Variants in MAST4 observed in about 807,000 individuals in gnomAD.
MAST4 encodes the protein microtubule associated serine/threonine kinase family member 4, also known as microtubule-associated serine/threonine-protein kinase 4.
A neutral mutation model predicts 162.7 loss-of-function variants in MAST4; 89 were observed. The observed-to-expected ratio is 0.55, with a 90% CI of 0.46 to 0.65. MAST4 has a LOEUF of 0.65. Ranked by LOEUF, MAST4 falls within the 30% of genes least tolerant of loss-of-function variation. MAST4 has a pLI of 0.00. For missense variants in MAST4, 3,153 were observed against 3,374.0 expected (o/e 0.93, Z 1.62); for synonymous variants, 1,479 against 1,361.1 (o/e 1.09, Z -1.91).
intron 17 of MAST4, 121 bp downstream of exon 17, chr5:67,133,767 A>T: frequency 9.1e-7 from 1 of 1,103,226 alleles, no homozygotes; most frequent in Non-Finnish European, 1.3e-6. Context: ...TGTCTGTATA[A>T]ACCTTACATT....
In MAST4 at chr5:67,163,806, G is replaced by A. The variant is rs1418987416; in HGVS notation, c.4627G>A (p.Gly1543Ser). The A allele has an allele frequency of 2.5e-6, 4 of 1,612,660 alleles. No individual in the cohort carries two copies. The highest frequency in any genetic ancestry group is 1.1e-5 in the South Asian group (1 of 90,764). ...KAKVVVKKAD[G>S]FPEKQESHQK... ...CAAGGTGGTGGTGAAGAAAGCAGAC[G>A]GCTTCCCAGAGAAACAGGAATCCCA... Residue 1543 changes from glycine (G) to serine (S), a missense_variant, in exon 29 of 29, where the codon GGC becomes AGC. Physicochemically the swap from Gly to Ser is moderately conservative, Grantham distance 56. Transcript: ENST00000403625. This position sits in a 1 kb window ranked among gnomAD's most constrained non-coding sequence, Gnocchi z 7.0.
At chr5:67,162,840 G>A (rs572556084) in intron 28 of MAST4, 52 bp downstream of exon 28, 115 of 1,535,286 alleles carry the variant, frequency 7.5e-5, no homozygotes, top group Non-Finnish European at 8.3e-5. Flanking sequence ...GTAAAGTCAT[G>A]TGAGGTCCCC....
At chr5:66,785,849 T>C (rs1033408782) in intron 2 of MAST4, among the ~76,000 whole-genome samples, 8 of 152,100 alleles carry the variant, frequency 5.3e-5, no homozygotes, top group Admixed American at 4.6e-4. Context: ...AGTCTAATAA[T>C]TATTTTGTTT....
At chr5:66,981,128 A>G (rs1329933260) in intron 4 of MAST4, among the ~76,000 whole-genome samples, 2 of 152,142 alleles carry the variant, frequency 1.3e-5, no homozygotes, top group African/African-American at 2.4e-5. Flanking sequence ...TGCCTTTTCC[A>G]TTTACCTCAT....
intron 5 of MAST4, among the ~76,000 whole-genome samples, chr5:67,062,557 G>A (rs1759755858): frequency 6.6e-6 from 1 of 152,082 alleles, no homozygotes; most frequent in African/African-American, 2.4e-5. Context: ...TAATAAAAAT[G>A]TTCATTCAGC....
At chr5:67,144,140 T>C (rs903328044) in intron 21 of MAST4, among the ~76,000 whole-genome samples, 4 of 152,162 alleles carry the variant, frequency 2.6e-5, no homozygotes, top group African/African-American at 9.7e-5. Context: ...AACAAATACC[T>C]CTGGCTCTTA....
intron 4 of MAST4, among the ~76,000 whole-genome samples, chr5:66,979,317 G>C (rs1233617151): frequency 6.6e-6 from 1 of 152,074 alleles, no homozygotes; most frequent in Admixed American, 6.5e-5. Context: ...TGTGAGTAGC[G>C]GGGGCAGATG....
intron 5 of MAST4, among the ~76,000 whole-genome samples, chr5:67,070,218 C>A (rs1174389912): frequency 6.6e-6 from 1 of 152,140 alleles, no homozygotes; most frequent in Non-Finnish European, 1.5e-5. Context: ...AAATTTTTCT[C>A]CCTTCTCTGG....
intron 3 of MAST4, among the ~76,000 whole-genome samples, chr5:66,818,364 G>A (rs1273534389): frequency 6.6e-6 from 1 of 151,946 alleles, no homozygotes; most frequent in African/African-American, 2.4e-5. Flanking sequence ...GAATCACATG[G>A]TATTTTGAGT....
intron 1 of MAST4, among the ~76,000 whole-genome samples, chr5:66,625,524 A>G (rs1744367471): frequency 6.6e-6 from 1 of 152,228 alleles, no homozygotes; most frequent in Non-Finnish European, 1.5e-5. Context: ...TTAAACGGGC[A>G]AAGTACCTAA....
chr5:66,804,234 G>A lies in MAST4; in HGVS notation c.642+15440G>A, dbSNP rs1015405820. Among the ~76,000 whole-genome samples the A allele has an allele frequency of 2.0e-5, 3 of 152,260 alleles. 1 individual carries two copies. The highest frequency in any genetic ancestry group is 7.2e-5 in the African/African-American group (3 of 41,556). On this transcript the variant is annotated intron_variant, in intron 3 of 28. Coordinates refer to ENST00000403625, the MANE Select transcript of MAST4 (RefSeq NM_001164664.2). The stretch of plus-strand genomic sequence containing the variant: ...AATATCAAGGTTATGGTAGCTGAAC[G>A]AAGTAGGAATGTATATCAGCAACTA...
At chr5:67,069,287 G>T (rs868522268) in intron 5 of MAST4, among the ~76,000 whole-genome samples, 12 of 107,648 alleles carry the variant, frequency 1.1e-4, no homozygotes, top group East Asian at 2.3e-4. Context: ...GAGGAGATTG[G>T]ATATATATAT....
intron 3 of MAST4, among the ~76,000 whole-genome samples, chr5:66,866,799 G>A (rs902236079): frequency 6.6e-6 from 1 of 152,210 alleles, no homozygotes; most frequent in Non-Finnish European, 1.5e-5. Context: ...CATCCAGGCT[G>A]GAGTGCGGTG....
chr5:66,959,301 A>T lies in MAST4; in HGVS notation c.674+59319A>T, dbSNP rs754246387. ...TTCCGGGGCTGACCTTGGAGTAAGT[A>T]TTGTCTGTCTTTAATATTTTAATGC... On this transcript the variant is annotated intron_variant, in intron 4 of 28. Transcript: ENST00000403625. 5 of 779,530 alleles carry T rather than the reference A, an allele frequency of 6.4e-6. No homozygotes were observed. The African/African-American group carries it at 8.5e-5, about 13-fold the overall frequency. The allele number at this position is 779,530 out of a possible 1,614,324, so 48.3% of individuals were successfully genotyped here.
intron 4 of MAST4, among the ~76,000 whole-genome samples, chr5:67,008,257 A>G (rs749610395): frequency 2.0e-5 from 3 of 152,194 alleles, no homozygotes; most frequent in Non-Finnish European, 4.4e-5. Context: ...TAATGATTGC[A>G]TGTTTCAGAG....
intron 5 of MAST4, among the ~76,000 whole-genome samples, chr5:67,073,133 C>T (rs1761176979): frequency 6.6e-6 from 1 of 152,024 alleles, no homozygotes; most frequent in Admixed American, 6.6e-5. Flanking sequence ...GTATTAGTAC[C>T]AGAGAGTGAG....
chr5:66,718,589 A>G (rs1339732408), intron 1 of MAST4, among the ~76,000 whole-genome samples: 2 of 152,148 alleles, frequency 1.3e-5, no homozygotes, highest in Admixed American at 1.3e-4. Flanking sequence ...AGCCTGAAAG[A>G]TATCTATTAC....
intron 1 of MAST4, among the ~76,000 whole-genome samples, chr5:66,688,808 C>T (rs188116720): frequency 3.5e-4 from 54 of 152,220 alleles, no homozygotes; most frequent in Admixed American, 1.0e-3. Flanking sequence ...GAAGACCTTG[C>T]TTATACTAAG....
chr5:66,642,708 T>C (rs1745566516), intron 1 of MAST4, among the ~76,000 whole-genome samples: 1 of 152,178 alleles, frequency 6.6e-6, no homozygotes, highest in African/African-American at 2.4e-5. Context: ...AATTATGATG[T>C]CATTACTCAT....
Sources: gnomAD v4.1 joint callset for allele counts (sites outside exome capture counted in the v4.1 genomes callset) on GRCh38, gnomAD v4.1.1 for gene constraint, Gnocchi (gnomAD v3.1) non-coding constraint, MANE v1.5 for transcripts, NCBI Gene and HGNC (gene_info 2026-07-23, HGNC 2026-07-21) for gene names.